The following CAMSAP2 variants were observed in gnomAD, a reference collection of about 807,000 sequenced individuals.
CAMSAP2 encodes the protein calmodulin regulated spectrin associated protein family member 2, also known as calmodulin-regulated spectrin-associated protein 2.
In CAMSAP2, 26 loss-of-function variants were observed where a neutral mutation model predicts 146.1. The ratio of observed to expected loss-of-function variants is 0.18; its 90% confidence interval spans 0.13 to 0.25. The LOEUF (loss-of-function observed/expected upper bound fraction) is 0.25, where lower values mean the gene tolerates loss of function less well. Among genes scored for constraint, CAMSAP2 ranks in the 10% least tolerant of loss-of-function variants. CAMSAP2 has a pLI of 1.00. For missense variants in CAMSAP2, 1,381 were observed against 1,759.3 expected (o/e 0.78, Z 3.85); for synonymous variants, 499 against 596.6 (o/e 0.84, Z 2.38).
At chr1:200,794,161 T>C (rs1417644301) in intron 2 of CAMSAP2, among the ~76,000 whole-genome samples, 1 of 152,222 alleles carries the variant, frequency 6.6e-6, no homozygotes, top group Non-Finnish European at 1.5e-5. Flanking sequence ...TTTGTTTGCT[T>C]CTAAATTATA....
chr1:200,829,466 G>C (rs1666987326), intron 4 of CAMSAP2, among the ~76,000 whole-genome samples: 1 of 152,100 alleles, frequency 6.6e-6, no homozygotes, highest in African/African-American at 2.4e-5. Context: ...CTTTTTGTGT[G>C]ATTAAGAAAG....
chr1:200,814,143 T>TGGGCGGGGGGGGGGGGG (rs1666412988), intron 3 of CAMSAP2, among the ~76,000 whole-genome samples: 2 of 8,598 alleles, frequency 2.3e-4, no homozygotes, highest in African/African-American at 8.4e-4. Flanking sequence ...GGGGGAGGGG[T>TGGGCGGGGGGGGGGGGG]GGGCGGGTGG....
In CAMSAP2 at chr1:200,847,921, T is replaced by G. The variant is rs531069571; in HGVS notation, c.1263-111T>G. 6 of 885,956 alleles carry G rather than the reference T, an allele frequency of 6.8e-6. No homozygotes were observed. In the South Asian group the frequency reaches 1.2e-4, roughly 17 times the overall value. 54.9% of individuals were successfully genotyped at this position (885,956 alleles called of 1,614,324 possible). A position where few individuals can be genotyped will look rare whatever the true frequency, so the allele number is the denominator to read the frequency against. On this transcript the variant is annotated intron_variant, in intron 10 of 16. Coordinates refer to ENST00000358823, the MANE Select transcript of CAMSAP2 (RefSeq NM_203459.4). ...CCCCTTACCTTGAAGACAGTATGAT[T>G]ATGAGAACTGGGGAAAGAAAGGAAA...
Position 200,832,582 on chromosome 1 carries a change from A to G in CAMSAP2, c.788-124A>G. 8.2e-6 allele frequency: 7 copies of G among 858,714 alleles called. No homozygotes were observed. The highest frequency in any genetic ancestry group is 1.2e-5 in the Non-Finnish European group (7 of 593,320). 53.2% of individuals were successfully genotyped at this position (858,714 alleles called of 1,614,324 possible). On this transcript the variant is annotated intron_variant, in intron 5 of 16. Coordinates refer to ENST00000358823, the MANE Select transcript of CAMSAP2 (RefSeq NM_203459.4). The surrounding 1 kb of genome is among the most constrained non-coding windows in gnomAD (Gnocchi z 4.2). ...TTCTAAGTCTTAATGTATAATGACTACTATATTTATAAATGTATGTTTGTT... is the reference window on the plus strand; with the variant it reads ...TTCTAAGTCTTAATGTATAATGACTGCTATATTTATAAATGTATGTTTGTT...
At chr1:200,776,080 C>T (rs1196406243) in intron 2 of CAMSAP2, among the ~76,000 whole-genome samples, 1 of 151,402 alleles carries the variant, frequency 6.6e-6, no homozygotes, top group East Asian at 1.9e-4. Context: ...TCAGAAGCTT[C>T]TTTTTTATAC....
intron 6 of CAMSAP2, among the ~76,000 whole-genome samples, chr1:200,835,546 G>A (rs1318369566): frequency 6.6e-6 from 1 of 152,126 alleles, no homozygotes; most frequent in African/African-American, 2.4e-5. Context: ...AAAGCCAGTG[G>A]TAAAGACATT....
intron 1 of CAMSAP2, among the ~76,000 whole-genome samples, chr1:200,758,697 A>G (rs1052567199): frequency 1.3e-5 from 2 of 152,136 alleles, no homozygotes; most frequent in South Asian, 4.2e-4. Context: ...TATGTCTAAA[A>G]CTGAGTTTTT....
At chr1:200,751,619 G>A (rs1051298375) in intron 1 of CAMSAP2, among the ~76,000 whole-genome samples, 2 of 149,572 alleles carry the variant, frequency 1.3e-5, no homozygotes, top group Non-Finnish European at 3.0e-5. Context: ...AGATTAGTCA[G>A]TTCTCTCTAA....
Position 200,857,538 on chromosome 1 carries a change from G to C in CAMSAP2, c.4131+114G>C. ...TCAACAGCATGTAAAAAGATCTGTAGCTAGATGTTTTAATTATCAGATTTA... is the reference window on the plus strand; with the variant it reads ...TCAACAGCATGTAAAAAGATCTGTACCTAGATGTTTTAATTATCAGATTTA... On this transcript the variant is annotated intron_variant, in intron 16 of 16. Transcript: ENST00000358823. This position sits in a 1 kb window ranked among gnomAD's most constrained non-coding sequence, Gnocchi z 4.7. 1 of 820,018 alleles carries C rather than the reference G, an allele frequency of 1.2e-6. No homozygotes were observed. Among genetic ancestry groups the C allele is most frequent in the Non-Finnish European group, 2.0e-6 (1 of 511,944 alleles). 50.8% of individuals were successfully genotyped at this position (820,018 alleles called of 1,614,324 possible). A position where few individuals can be genotyped will look rare whatever the true frequency, so the allele number is the denominator to read the frequency against.
chr1:200,843,482 C>T (rs1667378995), intron 7 of CAMSAP2, among the ~76,000 whole-genome samples: 1 of 152,140 alleles, frequency 6.6e-6, no homozygotes, highest in South Asian at 2.1e-4. Flanking sequence ...TCCCCTAAGT[C>T]CATTGAATGA....
chr1:200,817,130 A>T (rs1666588217), intron 4 of CAMSAP2, among the ~76,000 whole-genome samples: 1 of 140,590 alleles, frequency 7.1e-6, no homozygotes, highest in East Asian at 2.3e-4. Flanking sequence ...ATACACGTAT[A>T]TATGTGTATA....
At chr1:200,816,865 TGTGTGTACACACACACGC>T (rs1364615239) in intron 4 of CAMSAP2, among the ~76,000 whole-genome samples, 3 of 80,752 alleles carry the variant, frequency 3.7e-5, no homozygotes, top group African/African-American at 1.4e-4. Context: ...CGCGTGTGTA[TGTGTGTACACACACACGC>T]GTGTGTATGT....
In CAMSAP2 at chr1:200,844,885, A is replaced by G. The variant is rs181061280; in HGVS notation, c.1109+16A>G. On this transcript the variant is annotated intron_variant, in intron 8 of 16. Coordinates refer to ENST00000358823, the MANE Select transcript of CAMSAP2 (RefSeq NM_203459.4). ...TCCCTTCAAGGTAAACTCCACAATG[A>G]CTTTATTTTCACCATTTCTATTCTA... 3.8e-4 allele frequency: 530 copies of G among 1,389,568 alleles called. 2 individuals are homozygous for G. The African/African-American group carries it at 5.9e-3, about 16-fold the overall frequency. 86.1% of individuals were successfully genotyped at this position (1,389,568 alleles called of 1,614,324 possible). A position where few individuals can be genotyped will look rare whatever the true frequency, so the allele number is the denominator to read the frequency against.
intron 1 of CAMSAP2, among the ~76,000 whole-genome samples, chr1:200,741,817 ATGCTT>A (rs1357319706): frequency 6.6e-6 from 1 of 152,200 alleles, no homozygotes; most frequent in Non-Finnish European, 1.5e-5. Flanking sequence ...ACTCTGCTGG[ATGCTT>A]TGCAGTAAGT....
In CAMSAP2 at chr1:200,816,722, A is replaced by G. The variant is rs369630384; in HGVS notation, c.645+1078A>G. Among the ~76,000 whole-genome samples the G allele has an allele frequency of 9.8e-5, 5 of 51,204 alleles. 1 individual carries two copies. The highest frequency in any genetic ancestry group is 4.7e-4 in the East Asian group (1 of 2,142). 33.6% of individuals were successfully genotyped at this position (51,204 alleles called of 152,430 possible). A position where few individuals can be genotyped will look rare whatever the true frequency, so the allele number is the denominator to read the frequency against. ...CATATATGTGTATATATACACACGC[A>G]CATATATGTGTGTACACACACACGC... On this transcript the variant is annotated intron_variant, in intron 4 of 16. Transcript: ENST00000358823.
At position 200,849,654 on chromosome 1, in the gene CAMSAP2, C is replaced by T; in HGVS notation, c.2885C>T (p.Ser962Phe). 6.2e-7 allele frequency: 1 copy of T among 1,614,184 alleles called. No homozygotes were observed. Among genetic ancestry groups the T allele is most frequent in the Non-Finnish European group, 8.5e-7 (1 of 1,180,026 alleles). ...SPRPTHPSPQ[S>F]SNRKSASFSV... Reference sequence around the variant, plus strand: ...CGTCCTACTCACCCATCTCCACAGTCTTCTAACAGGAAAAGTGCATCTTTT... The same window carrying T: ...CGTCCTACTCACCCATCTCCACAGTTTTCTAACAGGAAAAGTGCATCTTTT... The change falls in exon 11 of 17, where the codon TCT becomes TTT. Residue 962 changes from serine (S) to phenylalanine (F), a missense_variant. This residue lies in a region of CAMSAP2 where 560 missense variants were observed against 715.9 expected (regional missense o/e 0.78). Transcript: ENST00000358823. The surrounding 1 kb of genome is among the most constrained non-coding windows in gnomAD (Gnocchi z 6.3).
At chr1:200,752,153 A>G (rs1455456273) in intron 1 of CAMSAP2, among the ~76,000 whole-genome samples, 1 of 152,182 alleles carries the variant, frequency 6.6e-6, no homozygotes, top group Non-Finnish European at 1.5e-5. Context: ...GTTGGGGGAA[A>G]AAAAGCATTA....
intron 10 of CAMSAP2, 99 bp from the exon 11 acceptor site, chr1:200,847,933 G>A (rs1667504315): frequency 6.5e-6 from 6 of 923,466 alleles, no homozygotes; most frequent in Non-Finnish European, 9.6e-6. Flanking sequence ...TGAGAACTGG[G>A]GAAAGAAAGG....
At chr1:200,766,727 A>G (rs1178323687) in intron 2 of CAMSAP2, among the ~76,000 whole-genome samples, 1 of 152,026 alleles carries the variant, frequency 6.6e-6, no homozygotes, top group Non-Finnish European at 1.5e-5. Context: ...CTTAACCACT[A>G]AATTGTATTT....
Sources: gnomAD v4.1 joint callset for allele counts (sites outside exome capture counted in the v4.1 genomes callset) on GRCh38, gnomAD v4.1.1 for gene constraint, gnomAD v4.1.1 regional missense constraint, Gnocchi (gnomAD v3.1) non-coding constraint, MANE v1.5 for transcripts, NCBI Gene and HGNC (gene_info 2026-07-23, HGNC 2026-07-21) for gene names.